The following SETD5 variants were observed in gnomAD, a reference collection of about 807,000 sequenced individuals.
SETD5 encodes the protein SET domain containing 5, also known as histone-lysine N-methyltransferase SETD5.
A neutral mutation model predicts 153.3 loss-of-function variants in SETD5; 44 were observed. That is an observed-to-expected ratio of 0.29 (90% CI 0.23 to 0.37). The LOEUF (loss-of-function observed/expected upper bound fraction) is 0.37, where lower values mean the gene tolerates loss of function less well. SETD5 is among the 10% of genes least tolerant of loss of function. SETD5 has a pLI of 1.00. For synonymous variants in SETD5, 716 were observed against 645.2 expected, an observed-to-expected ratio of 1.11 and a Z score of -1.66; for missense variants, 1,544 against 1,768.0, an observed-to-expected ratio of 0.87 and a Z score of 2.27.
intron 1 of SETD5, among the ~76,000 whole-genome samples, chr3:9,422,200 GA>G (rs1214449892): frequency 6.6e-6 from 1 of 152,254 alleles, no homozygotes; most frequent in Admixed American, 6.5e-5. Context: ...CTAATAAGAT[GA>G]AAATAATCTG....
chr3:9,455,168 CTTTTTTTTTTT>C (rs903600741), intron 17 of SETD5, among the ~76,000 whole-genome samples: 13 of 99,898 alleles, frequency 1.3e-4, no homozygotes, highest in African/African-American at 1.6e-4. Flanking sequence ...TTCTTTTTTT[CTTTTTTTTTTT>C]TTTTTTTTTT....
chr3:9,438,719 G>C (rs1018086321), intron 7 of SETD5, among the ~76,000 whole-genome samples: 11 of 152,022 alleles, frequency 7.2e-5, no homozygotes, highest in African/African-American at 2.7e-4. Flanking sequence ...TGTAAATCAG[G>C]GTTTCTCAGT....
intron 17 of SETD5, among the ~76,000 whole-genome samples, chr3:9,455,160 CTTTTTTTCTTTTTTTT>C (rs1291975270): frequency 1.7e-5 from 2 of 115,466 alleles, no homozygotes; most frequent in African/African-American, 6.7e-5. Context: ...GCCTTTTTTT[CTTTTTTTCTTTTTTTT>C]TTTTTTTTTT....
chr3:9,435,874 G>A lies in SETD5; in HGVS notation c.535G>A (p.Gly179Ser). The stretch of plus-strand genomic sequence containing the variant: ...GAAGCGGAAAAAGAGTCCAGAAAAG[G>A]GTCGTGCAGCACCAAAGACGAAGAA... ...PKKRKKSPEK[G>S]RAAPKTKKIK... The change falls in exon 7 of 23, where the codon GGT (glycine) becomes AGT (serine). Residue 179 changes from glycine (G) to serine (S), a missense_variant. Coordinates refer to ENST00000402198, the MANE Select transcript of SETD5 (RefSeq NM_001080517.3). The A allele has an allele frequency of 6.3e-7, 1 of 1,594,710 alleles. No individual in the cohort carries two copies. The highest frequency in any genetic ancestry group is 8.5e-7 in the Non-Finnish European group (1 of 1,170,378).
chr3:9,457,132 G>A (rs1258405251), intron 17 of SETD5, among the ~76,000 whole-genome samples: 1 of 152,184 alleles, frequency 6.6e-6, no homozygotes, highest in African/African-American at 2.4e-5. Context: ...TTCATTATTT[G>A]TAAATGATGT....
intron 3 of SETD5, 197 bp from the exon 4 acceptor site, chr3:9,433,648 C>A: frequency 3.4e-6 from 3 of 894,942 alleles, no homozygotes; most frequent in Non-Finnish European, 3.2e-6. Flanking sequence ...ATGTTACACA[C>A]AAATCCACAT....
chr3:9,453,103 T>A (rs778168984), intron 16 of SETD5, among the ~76,000 whole-genome samples: 3 of 152,196 alleles, frequency 2.0e-5, no homozygotes, highest in African/African-American at 4.8e-5. Context: ...TTTTGACTTT[T>A]TCCCTTTTTT....
rs1002354211 is a variant in SETD5 at position 9,476,354 on chromosome 3, C to T, written c.*263C>T. On this transcript the variant is annotated 3_prime_UTR_variant, in exon 23 of 23. Coordinates refer to ENST00000402198, the MANE Select transcript of SETD5 (RefSeq NM_001080517.3). ...CATTGTTGACAAGCAAATGGTGTTT[C>T]GGTTAGTAACGGTTCTAAGTGCAAT... is the stretch of plus-strand genomic sequence containing the variant. The T allele has an allele frequency of 5.0e-5, 22 of 438,264 alleles. No individual in the cohort carries two copies. Among genetic ancestry groups the T allele is most frequent in the Non-Finnish European group, 6.6e-5 (16 of 241,372 alleles). 27.1% of individuals were successfully genotyped at this position (438,264 alleles called of 1,614,324 possible).
intron 3 of SETD5, chr3:9,430,406 GT>G (rs1246468345): frequency 1.1e-6 from 1 of 918,102 alleles, no homozygotes; most frequent in East Asian, 1.2e-4. Context: ...GGTTGATTTT[GT>G]TTCTTCTAGA....
intron 1 of SETD5, among the ~76,000 whole-genome samples, chr3:9,422,079 C>A (rs1192426180): frequency 6.6e-6 from 1 of 152,006 alleles, no homozygotes; most frequent in Non-Finnish European, 1.5e-5. Context: ...GTGTGAAAAA[C>A]CTGATACCAA....
chr3:9,438,192 G>T (rs1403875477), intron 7 of SETD5, among the ~76,000 whole-genome samples: 2 of 152,160 alleles, frequency 1.3e-5, no homozygotes, highest in Non-Finnish European at 2.9e-5. Flanking sequence ...GAGCTACAGA[G>T]CATCAGAGGC....
chr3:9,400,396 A>C (rs1196229582), intron 1 of SETD5, among the ~76,000 whole-genome samples: 6 of 152,082 alleles, frequency 3.9e-5, no homozygotes, highest in Admixed American at 3.9e-4. Flanking sequence ...AATAACAGGA[A>C]TTTTTTCCTG....
rs1413914103 is a variant in SETD5 at position 9,470,815 on chromosome 3, C to T, written c.3081C>T (p.Ser1027=). The change falls in exon 19 of 23, where the codon AGC becomes AGT. Residue 1027 remains serine (S), a synonymous_variant. Coordinates refer to ENST00000402198, the MANE Select transcript of SETD5 (RefSeq NM_001080517.3). ...GTTCCCCTGCAGAAGGATTTTCCAGCAGATATGAACATGGCTTAATGAAAG... is the reference window on the plus strand; with the variant it reads ...GTTCCCCTGCAGAAGGATTTTCCAGTAGATATGAACATGGCTTAATGAAAG... The part of the protein sequence containing the change: ...GYCSPAEGFS[S]RYEHGLMKDL... 1 of 1,613,356 alleles carries T rather than the reference C, an allele frequency of 6.2e-7. No homozygotes were observed. The highest frequency in any genetic ancestry group is 1.1e-5 in the South Asian group (1 of 90,984).
At chr3:9,416,536 ATGAT>A (rs1225655850) in intron 1 of SETD5, among the ~76,000 whole-genome samples, 1 of 152,230 alleles carries the variant, frequency 6.6e-6, no homozygotes, top group Non-Finnish European at 1.5e-5. Flanking sequence ...AAATATTTCA[ATGAT>A]TAAGACTTTT....
chr3:9,433,743 A>G (rs2040238552), intron 3 of SETD5, 102 bp from the exon 4 acceptor site: 1 of 1,164,274 alleles, frequency 8.6e-7, no homozygotes. Context: ...CCTAGTGGCT[A>G]GTGGTTGTGG....
At chr3:9,462,015 A>G (rs1490759190) in intron 17 of SETD5, among the ~76,000 whole-genome samples, 1 of 152,240 alleles carries the variant, frequency 6.6e-6, no homozygotes, top group Non-Finnish European at 1.5e-5. Flanking sequence ...AATATTAAAA[A>G]TCCTGAGATA....
chr3:9,418,082 A>G (rs1300782375), intron 1 of SETD5, among the ~76,000 whole-genome samples: 2 of 150,918 alleles, frequency 1.3e-5, no homozygotes, highest in Non-Finnish European at 2.9e-5. Flanking sequence ...CTGGGACTAC[A>G]GGCGCCTGCC....
chr3:9,450,808 A>C (rs1429468736), intron 16 of SETD5, among the ~76,000 whole-genome samples: 1 of 152,196 alleles, frequency 6.6e-6, no homozygotes, highest in East Asian at 1.9e-4. Flanking sequence ...GTAAGTTAAA[A>C]ACTTACCAGT....
At chr3:9,472,214 CATTTAAGCATAA>C (rs2045379648) in intron 19 of SETD5, among the ~76,000 whole-genome samples, 1 of 152,146 alleles carries the variant, frequency 6.6e-6, no homozygotes. Flanking sequence ...TTATTGGGCA[CATTTAAGCATAA>C]ATTTAAGCAT....
Sources: allele counts gnomAD v4.1 joint callset (sites outside exome capture counted in the v4.1 genomes callset), GRCh38; gene constraint gnomAD v4.1.1; transcripts MANE v1.5; gene names NCBI Gene and HGNC (gene_info 2026-07-23, HGNC 2026-07-21).